PCDHA5: variants seen among roughly 807,000 people sequenced by gnomAD.
PCDHA5 encodes the protein protocadherin alpha 5, also known as protocadherin alpha-5.
In PCDHA5, 43 loss-of-function variants were observed where a neutral mutation model predicts 61.6. The ratio of observed to expected loss-of-function variants is 0.70; its 90% CI spans 0.55 to 0.90. The LOEUF is 0.90. Among genes scored for constraint, PCDHA5 ranks in the 40% least tolerant of loss-of-function variants. The pLI is 0.00. For synonymous variants in PCDHA5, 627 were observed against 543.9 expected, an observed-to-expected ratio of 1.15 and a Z score of -2.13; for missense variants, 1,298 against 1,222.7, an observed-to-expected ratio of 1.06 and a Z score of -0.92.
chr5:140,836,594 C>T (rs2150264886), intron 1 of PCDHA5: 2 of 1,613,766 alleles, frequency 1.2e-6, no homozygotes, highest in African/African-American at 2.7e-5. Context: ...TGGTAAAGCC[C>T]ACTCTGGTGT....
Position 140,829,198 on chromosome 5 carries a change from C to A in PCDHA5, c.2352+5071C>A, listed in dbSNP as rs2150163699. On this transcript the variant is annotated intron_variant, in intron 1 of 3. Transcript: ENST00000529859. ...AAGACGCTCAATTTGGTACTGTCATCGCCCTAATTAGCGTGAACGACCTCG... is the reference window on the plus strand; with the variant it reads ...AAGACGCTCAATTTGGTACTGTCATAGCCCTAATTAGCGTGAACGACCTCG... The A allele has an allele frequency of 1.6e-5, 26 of 1,614,214 alleles. No individual in the cohort carries two copies. In the Admixed American group the frequency reaches 2.2e-4, roughly 13 times the overall value.
Position 140,884,686 on chromosome 5 carries a change from G to C in PCDHA5, c.2352+60559G>C, listed in dbSNP as rs376199469. 72 of 1,538,980 alleles carry C rather than the reference G, an allele frequency of 4.7e-5. No homozygotes were observed. The African/African-American group carries it at 8.7e-4, about 19-fold the overall frequency. ...AGGTAAGCTTATATTTTAAAAAATT[G>C]TCTTAGTAAACACTTTAGCCTTCCT... On this transcript the variant is annotated intron_variant, in intron 1 of 3. Transcript: ENST00000529859.
intron 3 of PCDHA5, among the ~76,000 whole-genome samples, chr5:140,994,582 G>A (rs1179279862): frequency 6.6e-6 from 1 of 152,062 alleles, no homozygotes; most frequent in Non-Finnish European, 1.5e-5. Context: ...GCATGCACTT[G>A]TAGTCTCAGC....
At chr5:140,870,153 CG>C (rs1562639258) in intron 1 of PCDHA5, 2 of 1,614,088 alleles carry the variant, frequency 1.2e-6, no homozygotes, top group South Asian at 2.2e-5. Flanking sequence ...CTGAAGTCGC[CG>C]TGACTTCCTT....
At chr5:140,829,972 C>G (rs2150178904) in intron 1 of PCDHA5, 5 of 1,614,006 alleles carry the variant, frequency 3.1e-6, no homozygotes, top group Non-Finnish European at 4.2e-6. Context: ...TGGGGCTGTA[C>G]ACGGGCGAGA....
At chr5:140,841,727 A>G (rs2150321736) in intron 1 of PCDHA5, 1 of 1,613,902 alleles carries the variant, frequency 6.2e-7, no homozygotes, top group Admixed American at 1.7e-5. Context: ...GTTCCGGGTA[A>G]AAGACCAAAA....
chr5:140,985,063 G>C (rs2097134230), intron 3 of PCDHA5, among the ~76,000 whole-genome samples: 1 of 151,948 alleles, frequency 6.6e-6, no homozygotes, highest in African/African-American at 2.4e-5. Flanking sequence ...TCAGCCTCCT[G>C]AGTAGCTGAG....
intron 1 of PCDHA5, chr5:140,841,631 A>G (rs1256595237): frequency 6.2e-7 from 1 of 1,614,124 alleles, no homozygotes; most frequent in Non-Finnish European, 8.5e-7. Context: ...GGAGTGCAGC[A>G]TCCACCTGGA....
At chr5:140,877,583 T>A (rs782090888) in intron 1 of PCDHA5, 2 of 1,613,816 alleles carry the variant, frequency 1.2e-6, no homozygotes, top group East Asian at 4.5e-5. Context: ...ATCATCGCCA[T>A]CTGTGCGGTG....
intron 1 of PCDHA5, chr5:140,852,590 T>A (rs2042399836): frequency 1.1e-6 from 1 of 893,664 alleles, no homozygotes; most frequent in African/African-American, 1.8e-5. Context: ...TTATTTTTTT[T>A]TTTTGTCATT....
chr5:140,913,284 G>A (rs1201275371), intron 1 of PCDHA5, among the ~76,000 whole-genome samples: 1 of 152,026 alleles, frequency 6.6e-6, no homozygotes, highest in Non-Finnish European at 1.5e-5. Context: ...GTCTGTTTAG[G>A]TTTTAATTTC....
At chr5:140,884,416 G>A (rs1035372416) in intron 1 of PCDHA5, 22 of 1,613,888 alleles carry the variant, frequency 1.4e-5, no homozygotes, top group Non-Finnish European at 1.7e-5. Context: ...TCACGTTGCT[G>A]CTGTATACTG....
intron 1 of PCDHA5, among the ~76,000 whole-genome samples, chr5:140,837,441 C>A (rs1199592642): frequency 6.6e-6 from 1 of 151,714 alleles, no homozygotes; most frequent in Admixed American, 6.6e-5. Flanking sequence ...AAATCTAGTA[C>A]GTAGTAAAAA....
intron 3 of PCDHA5, among the ~76,000 whole-genome samples, chr5:140,996,371 C>G (rs1183587138): frequency 6.6e-6 from 1 of 152,126 alleles, no homozygotes; most frequent in Admixed American, 6.6e-5. Context: ...ATTTTGTTGT[C>G]GGCTGAAATA....
intron 1 of PCDHA5, among the ~76,000 whole-genome samples, chr5:140,886,636 G>A (rs555391002): frequency 2.6e-5 from 4 of 151,866 alleles, no homozygotes; most frequent in Non-Finnish European, 4.4e-5. Flanking sequence ...GACCAGCCTG[G>A]CCAACATGGT....
At chr5:140,926,549 C>A in intron 1 of PCDHA5, 1 of 231,836 alleles carries the variant, frequency 4.3e-6, no homozygotes, top group Non-Finnish European at 8.2e-6. Flanking sequence ...GTGGTCGAGA[C>A]CCCAGCCCGC....
chr5:141,009,011 T>C (rs1461112133), intron 3 of PCDHA5, among the ~76,000 whole-genome samples: 1 of 152,256 alleles, frequency 6.6e-6, no homozygotes, highest in East Asian at 1.9e-4. Context: ...ATATTTTGCC[T>C]TTAGGCTCTG....
intron 3 of PCDHA5, among the ~76,000 whole-genome samples, chr5:140,996,043 C>T (rs1282990779): frequency 6.6e-6 from 1 of 152,202 alleles, no homozygotes; most frequent in Non-Finnish European, 1.5e-5. Context: ...GCACTTAACA[C>T]AGTGCTTGGC....
chr5:141,000,615 A>G (rs2097951954), intron 3 of PCDHA5, among the ~76,000 whole-genome samples: 1 of 150,870 alleles, frequency 6.6e-6, no homozygotes, highest in South Asian at 2.1e-4. Context: ...TTTAGTAGAG[A>G]CAGGGTTTCA....
Sources: allele counts gnomAD v4.1 joint callset (sites outside exome capture counted in the v4.1 genomes callset), GRCh38; gene constraint gnomAD v4.1.1; transcripts MANE v1.5; gene names NCBI Gene and HGNC (gene_info 2026-07-23, HGNC 2026-07-21).